The following MAGI1 variants were observed in gnomAD, a reference collection of about 807,000 sequenced individuals.
MAGI1 encodes the protein membrane-associated guanylate kinase, WW and PDZ domain-containing protein 1.
In MAGI1, 58 loss-of-function variants were observed where a neutral mutation model predicts 139.9. That is an observed-to-expected ratio of 0.41 (90% CI 0.34 to 0.52). The LOEUF (loss-of-function observed/expected upper bound fraction) is 0.52. Among genes scored for constraint, MAGI1 ranks in the 20% least tolerant of loss-of-function variants. The pLI, the probability that MAGI1 is intolerant of heterozygous loss-of-function variation, is 0.12. For missense variants in MAGI1, 1,874 were observed against 1,901.6 expected (o/e 0.99, Z 0.27); for synonymous variants, 812 against 737.9 (o/e 1.10, Z -1.63).
intron 2 of MAGI1, among the ~76,000 whole-genome samples, chr3:65,565,023 G>A (rs1379977908): frequency 6.6e-6 from 1 of 152,082 alleles, no homozygotes; most frequent in East Asian, 1.9e-4. Flanking sequence ...ATACTGTGAC[G>A]ATTATTTCAT....
At position 65,966,814 on chromosome 3, in the gene MAGI1, T is replaced by G. The variant is rs765350557; in HGVS notation, c.313+71182A>C. 9.8e-5 allele frequency among the ~76,000 whole-genome samples: 15 copies of G among 152,322 alleles called. No individual in the cohort carries two copies. The Middle Eastern group carries it at 0.01, about 104-fold the overall frequency. The stretch of plus-strand genomic sequence containing the variant: ...TCTGGCACAGTACCAGGCACACAGT[T>G]GCTTCTCCCTAAAATCCATGACACC... On this transcript the variant is annotated intron_variant, in intron 1 of 22. Coordinates refer to ENST00000402939, the MANE Select transcript of MAGI1 (RefSeq NM_001033057.2).
rs769336941 is a variant in MAGI1 at position 65,354,752 on chromosome 3, C to T, written c.*1626G>A. ...AGAAATATAAACACGTATCACATTC[C>T]TCACAGCTAAATTTTGTCATAAATT... On this transcript the variant is annotated 3_prime_UTR_variant, in exon 23 of 23. Transcript: ENST00000402939. 5.2e-5 allele frequency: 8 copies of T among 152,564 alleles called. No individual in the cohort carries two copies. The highest frequency in any genetic ancestry group is 9.7e-5 in the African/African-American group (4 of 41,440). 9.5% of individuals were successfully genotyped at this position (152,564 alleles called of 1,614,324 possible).
Position 65,842,444 on chromosome 3 carries a change from T to A in MAGI1, c.313+195552A>T, listed in dbSNP as rs1200449656. The stretch of plus-strand genomic sequence containing the variant: ...GGCGCAATCTCGACTCACCACAACC[T>A]CCGCCTCCCAGGTTCAAGCGACTCT... On this transcript the variant is annotated intron_variant, in intron 1 of 22. Coordinates refer to ENST00000402939, the MANE Select transcript of MAGI1 (RefSeq NM_001033057.2). 1.1e-4 allele frequency among the ~76,000 whole-genome samples: 16 copies of A among 149,774 alleles called. 1 individual carries two copies. Among genetic ancestry groups the A allele is most frequent in the Admixed American group, 1.1e-3 (16 of 15,032 alleles).
intron 1 of MAGI1, chr3:65,717,373 T>C (rs569466811): frequency 6.6e-6 from 1 of 152,280 alleles, no homozygotes; most frequent in South Asian, 2.1e-4. Context: ...GTAGAGGCAA[T>C]TCCTTTCACA....
chr3:65,413,025 C>T (rs1297503867), intron 12 of MAGI1, among the ~76,000 whole-genome samples: 1 of 152,096 alleles, frequency 6.6e-6, no homozygotes, highest in Admixed American at 6.5e-5. Flanking sequence ...TATTACAGCA[C>T]TGGGTTCAAT....
intron 1 of MAGI1, among the ~76,000 whole-genome samples, chr3:65,823,516 T>A (rs868360968): frequency 9.3e-4 from 141 of 152,214 alleles, no homozygotes; most frequent in African/African-American, 3.2e-3. Context: ...GTATGCCATA[T>A]AAAGCTATAT....
chr3:65,622,698 C>T (rs1280309210), intron 1 of MAGI1, among the ~76,000 whole-genome samples: 1 of 151,942 alleles, frequency 6.6e-6, no homozygotes, highest in East Asian at 1.9e-4. Context: ...CGAGTAGCTG[C>T]GGTTACAGGC....
intron 1 of MAGI1, among the ~76,000 whole-genome samples, chr3:65,675,482 T>C (rs193229017): frequency 6.6e-6 from 1 of 151,946 alleles, no homozygotes. Flanking sequence ...ACAGAAAAAA[T>C]TATTTATTAG....
At chr3:65,762,290 T>A (rs1327094958) in intron 1 of MAGI1, among the ~76,000 whole-genome samples, 1 of 152,182 alleles carries the variant, frequency 6.6e-6, no homozygotes, top group East Asian at 1.9e-4. Flanking sequence ...CATTTCTTCC[T>A]TCTCAGATTT....
intron 1 of MAGI1, among the ~76,000 whole-genome samples, chr3:65,734,884 G>A (rs2034578133): frequency 6.8e-6 from 1 of 147,408 alleles, no homozygotes; most frequent in Non-Finnish European, 1.5e-5. Context: ...GATGGGAGGT[G>A]AGGGGAGGAG....
At chr3:65,855,620 A>AGAGAGGG (rs2059350922) in intron 1 of MAGI1, among the ~76,000 whole-genome samples, 1 of 6,868 alleles carries the variant, frequency 1.5e-4, no homozygotes, top group Non-Finnish European at 2.8e-4. Context: ...GATGGGGAGG[A>AGAGAGGG]GAGAGGGGAG....
chr3:65,845,537 G>T (rs545159452), intron 1 of MAGI1, among the ~76,000 whole-genome samples: 2 of 152,166 alleles, frequency 1.3e-5, no homozygotes, highest in Non-Finnish European at 2.9e-5. Context: ...GCCACCTATT[G>T]CTACATTTTT....
intron 2 of MAGI1, among the ~76,000 whole-genome samples, chr3:65,579,721 C>T (rs1253172961): frequency 1.3e-5 from 2 of 151,998 alleles, no homozygotes; most frequent in Non-Finnish European, 2.9e-5. Flanking sequence ...GTGACAGGAG[C>T]CTGTAATCCC....
chr3:65,844,985 T>G lies in MAGI1; in HGVS notation c.313+193011A>C, dbSNP rs1463305800. 3.9e-5 allele frequency among the ~76,000 whole-genome samples: 6 copies of G among 152,188 alleles called. No homozygotes were observed. The East Asian group carries it at 1.2e-3, about 30-fold the overall frequency. On this transcript the variant is annotated intron_variant, in intron 1 of 22. Transcript: ENST00000402939. ...TCCTTGGGCATAGGCGGGGCACGGT[T>G]GCTCACACTGTAATCCCAGCACTTT...
At chr3:66,011,699 G>A (rs1560109094) in intron 1 of MAGI1, among the ~76,000 whole-genome samples, 1 of 152,070 alleles carries the variant, frequency 6.6e-6, no homozygotes, top group Non-Finnish European at 1.5e-5. Flanking sequence ...CCTTGGTTGA[G>A]ACGACTTCAC....
chr3:65,542,568 G>C (rs529596099), intron 2 of MAGI1, among the ~76,000 whole-genome samples: 2 of 152,048 alleles, frequency 1.3e-5, no homozygotes, highest in African/African-American at 4.8e-5. Context: ...TAAACCAATG[G>C]AACAGAACAG....
At chr3:65,897,228 T>C (rs2061006881) in intron 1 of MAGI1, among the ~76,000 whole-genome samples, 3 of 152,076 alleles carry the variant, frequency 2.0e-5, no homozygotes, top group Admixed American at 2.0e-4. Context: ...CTAATAGTTC[T>C]GTAATAAACA....
At chr3:65,409,443 C>T (rs1307211041) in intron 12 of MAGI1, among the ~76,000 whole-genome samples, 1 of 152,106 alleles carries the variant, frequency 6.6e-6, no homozygotes, top group Non-Finnish European at 1.5e-5. Flanking sequence ...ATGATTGATG[C>T]TTGAGTGAAT....
intron 1 of MAGI1, among the ~76,000 whole-genome samples, chr3:65,678,838 T>C (rs1169300190): frequency 6.6e-6 from 1 of 152,238 alleles, no homozygotes; most frequent in African/African-American, 2.4e-5. Context: ...ACCTGCAAAA[T>C]TCCAGACATA....
Sources: allele counts gnomAD v4.1 joint callset (sites outside exome capture counted in the v4.1 genomes callset), GRCh38; gene constraint gnomAD v4.1.1; transcripts MANE v1.5; gene names NCBI Gene and HGNC (gene_info 2026-07-23, HGNC 2026-07-21).